RNPC3: variants seen among roughly 807,000 people sequenced by gnomAD.
RNPC3 encodes the protein RNA binding region (RNP1, RRM) containing 3.
A neutral mutation model predicts 67.5 loss-of-function variants in RNPC3; 48 were observed. The ratio of observed to expected loss-of-function variants is 0.71; its 90% confidence interval spans 0.56 to 0.90. RNPC3 has a LOEUF of 0.90. Ranked by LOEUF, RNPC3 falls within the 40% of genes least tolerant of loss-of-function variation. The pLI, the probability that RNPC3 is intolerant of heterozygous loss-of-function variation, is 0.00. For missense variants in RNPC3, 637 were observed against 626.1 expected, an observed-to-expected ratio of 1.02 and a Z score of -0.19; for synonymous variants, 239 against 210.3, an observed-to-expected ratio of 1.14 and a Z score of -1.18.
At chr1:103,541,497 A>G in intron 8 of RNPC3, 22 bp downstream of exon 8, 1 of 1,473,024 alleles carries the variant, frequency 6.8e-7, no homozygotes, top group Non-Finnish European at 8.9e-7. Context: ...TGAACTAAGA[A>G]ATGAGGGTTG....
intron 14 of RNPC3, 89 bp downstream of exon 14, chr1:103,551,881 ATC>A: frequency 3.0e-6 from 2 of 657,376 alleles, no homozygotes; most frequent in Non-Finnish European, 4.9e-6. Context: ...TAATTCAGGT[ATC>A]TCTTTTTTTT....
Position 103,525,891 on chromosome 1 carries a change from A to T in RNPC3, c.-180A>T. On this transcript the variant is annotated 5_prime_UTR_variant, in exon 1 of 15. Transcript: ENST00000423855. ...CGCGCCCTTCCCCGAAGAGTCTTCGAAGGGTTGCCGCTTTTCGGTGGCGCA... is the reference window on the plus strand; with the variant it reads ...CGCGCCCTTCCCCGAAGAGTCTTCGTAGGGTTGCCGCTTTTCGGTGGCGCA... 3 of 591,082 alleles carry T rather than the reference A, an allele frequency of 5.1e-6. No homozygotes were observed. Among genetic ancestry groups the T allele is most frequent in the Non-Finnish European group, 8.9e-6 (3 of 336,136 alleles). The allele number at this position is 591,082 out of a possible 1,614,324, so 36.6% of individuals were successfully genotyped here. A position where few individuals can be genotyped will look rare whatever the true frequency, so the allele number is the denominator to read the frequency against.
intron 12 of RNPC3, among the ~76,000 whole-genome samples, chr1:103,550,584 T>A (rs550934146): frequency 2.8e-5 from 4 of 142,092 alleles, no homozygotes; most frequent in African/African-American, 1.1e-4. Flanking sequence ...GAGCTTGCAG[T>A]GAGCGGAGAT....
chr1:103,533,466 G>A (rs1650908997), intron 2 of RNPC3, among the ~76,000 whole-genome samples: 1 of 152,000 alleles, frequency 6.6e-6, no homozygotes, highest in Non-Finnish European at 1.5e-5. Flanking sequence ...AGGGAAATTT[G>A]TTAGTTTGTT....
At chr1:103,533,508 C>G (rs1316519116) in intron 2 of RNPC3, among the ~76,000 whole-genome samples, 1 of 151,930 alleles carries the variant, frequency 6.6e-6, no homozygotes, top group Non-Finnish European at 1.5e-5. Flanking sequence ...TGGGTATAAG[C>G]AGAGCTGGCA....
intron 7 of RNPC3, among the ~76,000 whole-genome samples, chr1:103,537,889 G>T (rs1162081106): frequency 1.3e-5 from 2 of 151,944 alleles, no homozygotes; most frequent in African/African-American, 2.4e-5. Flanking sequence ...TATTGCCCAG[G>T]CTGGAGTGCA....
chr1:103,532,044 T>A (rs1650870548), intron 2 of RNPC3, among the ~76,000 whole-genome samples: 1 of 152,320 alleles, frequency 6.6e-6, no homozygotes, highest in African/African-American at 2.4e-5. Context: ...TTCTTCTACA[T>A]GCGACTTGCC....
intron 9 of RNPC3, 53 bp from the exon 10 acceptor site, chr1:103,544,888 A>C: frequency 8.1e-7 from 1 of 1,236,022 alleles, no homozygotes; most frequent in Non-Finnish European, 1.1e-6. Context: ...GGACCCAAAA[A>C]CTATTTTTAA....
rs1045536440 is a variant in RNPC3, at chr1:103,525,908, G to T, written c.-163G>T. On this transcript the variant is annotated 5_prime_UTR_variant, in exon 1 of 15. Coordinates refer to ENST00000423855, the MANE Select transcript of RNPC3 (RefSeq NM_017619.4). ...AGTCTTCGAAGGGTTGCCGCTTTTC[G>T]GTGGCGCAGTTCTCGCGAGAAGGTG... 1 of 615,508 alleles carries T rather than the reference G, an allele frequency of 1.6e-6. No individual in the cohort carries two copies. The highest frequency in any genetic ancestry group is 2.8e-6 in the Non-Finnish European group (1 of 357,302). 38.1% of individuals were successfully genotyped at this position (615,508 alleles called of 1,614,324 possible).
chr1:103,533,589 C>T (rs1650912032), intron 2 of RNPC3, 150 bp from the exon 3 acceptor site: 1 of 607,994 alleles, frequency 1.6e-6, no homozygotes, highest in African/African-American at 1.9e-5. Flanking sequence ...GTAATAAAGG[C>T]TTGATAGCCT....
chr1:103,527,412 C>G (rs1466646947), intron 1 of RNPC3, among the ~76,000 whole-genome samples: 1 of 152,216 alleles, frequency 6.6e-6, no homozygotes, highest in Non-Finnish European at 1.5e-5. Context: ...AAGTGACCCT[C>G]TGTGTAGAAC....
intron 4 of RNPC3, among the ~76,000 whole-genome samples, 153 bp downstream of exon 4, chr1:103,535,010 A>G (rs1650946997): frequency 6.6e-6 from 1 of 151,940 alleles, no homozygotes; most frequent in South Asian, 2.1e-4. Flanking sequence ...CTTATTGCAA[A>G]TAAGATAATT....
chr1:103,541,258 C>A (rs1651118792), intron 7 of RNPC3, 92 bp from the exon 8 acceptor site: 2 of 909,192 alleles, frequency 2.2e-6, no homozygotes, highest in Non-Finnish European at 3.1e-6. Flanking sequence ...AAATTATACA[C>A]CAAAATACAA....
chr1:103,541,237 T>C, intron 7 of RNPC3, 113 bp from the exon 8 acceptor site: 1 of 729,302 alleles, frequency 1.4e-6, no homozygotes, highest in South Asian at 2.4e-5. Context: ...AAGTAAATCA[T>C]TTTATAATTT....
intron 9 of RNPC3, 106 bp from the exon 10 acceptor site, chr1:103,544,835 T>C: frequency 1.6e-6 from 1 of 613,136 alleles, no homozygotes; most frequent in Non-Finnish European, 2.6e-6. Context: ...CCAAAGAATT[T>C]TAGTGCCAGA....
chr1:103,540,980 G>C (rs557713074), intron 7 of RNPC3, among the ~76,000 whole-genome samples: 1 of 152,030 alleles, frequency 6.6e-6, no homozygotes, highest in Non-Finnish European at 1.5e-5. Flanking sequence ...GAATAAAAAT[G>C]ATTTAAGAAC....
chr1:103,541,589 A>T, intron 8 of RNPC3, 114 bp downstream of exon 8: 2 of 1,031,372 alleles, frequency 1.9e-6, no homozygotes. Flanking sequence ...CTTGGTTTAC[A>T]TTGGCTTCCT....
chr1:103,525,973 G>T lies in RNPC3; in HGVS notation c.-98G>T. 1 of 969,268 alleles carries T rather than the reference G, an allele frequency of 1.0e-6. No individual in the cohort carries two copies. Among genetic ancestry groups the T allele is most frequent in the Non-Finnish European group, 1.5e-6 (1 of 672,184 alleles). The allele number at this position is 969,268 out of a possible 1,614,324, so 60.0% of individuals were successfully genotyped here. On this transcript the variant is annotated 5_prime_UTR_variant, in exon 1 of 15. Coordinates refer to ENST00000423855, the MANE Select transcript of RNPC3 (RefSeq NM_017619.4). ...TATTTCCTGGTTTCCAGAATCCTTA[G>T]CGCGAGGCGGAAAAAATATTTCTCC...
chr1:103,525,809 G>T lies in RNPC3; in HGVS notation c.-262G>T, dbSNP rs931064098. 19 of 413,398 alleles carry T rather than the reference G, an allele frequency of 4.6e-5. No individual in the cohort carries two copies. The highest frequency in any genetic ancestry group is 6.1e-5 in the Non-Finnish European group (14 of 228,798). 25.6% of individuals were successfully genotyped at this position (413,398 alleles called of 1,614,324 possible). A position where few individuals can be genotyped will look rare whatever the true frequency, so the allele number is the denominator to read the frequency against. On this transcript the variant is annotated 5_prime_UTR_variant, in exon 1 of 15. Transcript: ENST00000423855. ...TTGTGTTAACCCTCGCACATCTCTG[G>T]GCCAATTTTTGCTTGTAAGTCTTTC...
Sources: gnomAD v4.1 joint callset for allele counts (sites outside exome capture counted in the v4.1 genomes callset) on GRCh38, gnomAD v4.1.1 for gene constraint, MANE v1.5 for transcripts, NCBI Gene and HGNC (gene_info 2026-07-23, HGNC 2026-07-21) for gene names.